The following DCUN1D4 variants were observed in gnomAD, a reference collection of about 807,000 sequenced individuals.
The protein encoded by DCUN1D4 is DCN1-like protein 4.
A neutral mutation model predicts 47.9 loss-of-function variants in DCUN1D4; 22 were observed. The observed-to-expected ratio is 0.46, with a 90% CI of 0.33 to 0.66. The LOEUF is 0.66. Among genes scored for constraint, DCUN1D4 ranks in the 30% least tolerant of loss-of-function variants. The pLI is 0.02. For missense variants in DCUN1D4, 301 were observed against 340.8 expected, an observed-to-expected ratio of 0.88 and a Z score of 0.92; for synonymous variants, 121 against 112.2, an observed-to-expected ratio of 1.08 and a Z score of -0.50.
intron 3 of DCUN1D4, among the ~76,000 whole-genome samples, chr4:51,864,335 C>G (rs1480010715): frequency 6.6e-6 from 1 of 152,182 alleles, no homozygotes; most frequent in Non-Finnish European, 1.5e-5. Flanking sequence ...CCACTTCTCT[C>G]AACTGTTAGT....
chr4:51,871,973 T>C (rs1165834755), intron 3 of DCUN1D4, among the ~76,000 whole-genome samples: 1 of 152,104 alleles, frequency 6.6e-6, no homozygotes, highest in Non-Finnish European at 1.5e-5. Flanking sequence ...AGGAGTGATA[T>C]GGGGGTGCTT....
intron 8 of DCUN1D4, among the ~76,000 whole-genome samples, chr4:51,901,058 C>T (rs749804594): frequency 2.0e-5 from 3 of 152,082 alleles, no homozygotes; most frequent in Non-Finnish European, 2.9e-5. Context: ...CCTTGCTTCT[C>T]CTTACCAGCC....
At chr4:51,883,675 T>G (rs1052696230) in intron 5 of DCUN1D4, among the ~76,000 whole-genome samples, 3 of 152,184 alleles carry the variant, frequency 2.0e-5, no homozygotes, top group Non-Finnish European at 4.4e-5. Flanking sequence ...GATTAAATTA[T>G]TTTACACTTG....
the DCUN1D4 span, among the ~76,000 whole-genome samples, chr4:51,837,281 A>G: frequency 6.6e-6 from 1 of 152,210 alleles, no homozygotes; most frequent in Non-Finnish European, 1.5e-5. Flanking sequence ...GTCCTGAGTA[A>G]AAAGGAAAAG....
chr4:51,909,214 A>G (rs1386893119), intron 8 of DCUN1D4, among the ~76,000 whole-genome samples: 1 of 152,160 alleles, frequency 6.6e-6, no homozygotes, highest in Non-Finnish European at 1.5e-5. Context: ...AAGGCACAAT[A>G]TATATCACAG....
At chr4:51,869,203 T>C (rs1487010288) in intron 3 of DCUN1D4, among the ~76,000 whole-genome samples, 1 of 148,302 alleles carries the variant, frequency 6.7e-6, no homozygotes, top group East Asian at 2.0e-4. Context: ...GGGATGATGA[T>C]GATAGATGTC....
rs34147893 is a variant in DCUN1D4 at position 51,883,723 on chromosome 4, A to C, written c.344-2845A>C. Among the ~76,000 whole-genome samples the C allele has an allele frequency of 7.8e-3, 1,187 of 152,336 alleles. 7 individuals are homozygous for C. Among genetic ancestry groups the C allele is most frequent in the Non-Finnish European group, 0.012 (795 of 68,032 alleles). ...GAATTGCCTGGGCAAACTTAGAAAC[A>C]CTAAATAAATATGTATATATTCCAT... On this transcript the variant is annotated intron_variant, in intron 5 of 10. Coordinates refer to ENST00000334635, the MANE Select transcript of DCUN1D4 (RefSeq NM_001040402.3).
intron 8 of DCUN1D4, among the ~76,000 whole-genome samples, chr4:51,901,492 C>G (rs1409325613): frequency 6.6e-6 from 1 of 152,202 alleles, no homozygotes; most frequent in East Asian, 1.9e-4. Flanking sequence ...TGCTCACTGG[C>G]CCTGCTTCCT....
At chr4:51,896,862 C>A (rs1239339793) in intron 7 of DCUN1D4, among the ~76,000 whole-genome samples, 6 of 152,140 alleles carry the variant, frequency 3.9e-5, no homozygotes, top group Admixed American at 3.9e-4. Flanking sequence ...CTCCATTGTT[C>A]CTAGGATGTA....
intron 7 of DCUN1D4, among the ~76,000 whole-genome samples, chr4:51,897,574 T>C (rs1731462310): frequency 6.6e-6 from 1 of 151,184 alleles, no homozygotes; most frequent in African/African-American, 2.5e-5. Flanking sequence ...AAAATTAGTT[T>C]GTAAAAATAA....
intron 8 of DCUN1D4, chr4:51,905,068 C>G (rs1732671540): frequency 2.8e-6 from 1 of 358,074 alleles, no homozygotes; most frequent in South Asian, 2.1e-5. Flanking sequence ...AAATTGCAGC[C>G]CCAAGGGGCT....
chr4:51,843,529 G>C (rs1721929258), intron 1 of DCUN1D4: 3 of 1,293,476 alleles, frequency 2.3e-6, no homozygotes, highest in African/African-American at 3.1e-5. Flanking sequence ...TTTCAGTGTT[G>C]GGGGAAGGGA....
chr4:51,887,871 A>C (rs1486718583), intron 6 of DCUN1D4, among the ~76,000 whole-genome samples: 1 of 133,168 alleles, frequency 7.5e-6, no homozygotes, highest in African/African-American at 2.8e-5. Flanking sequence ...TCTTTCACTT[A>C]TTACATAGAT....
In DCUN1D4 at chr4:51,904,791, AT is replaced by A. The variant is rs1312557414; in HGVS notation, c.615+5419del. ...TGGTTGGAAGAAGAACTCAAACCTC[AT>A]TTTTTCCCCCTCAAATCTGTTTTTT... On this transcript the variant is annotated intron_variant, in intron 8 of 10. Transcript: ENST00000334635. Among the ~76,000 whole-genome samples, 12 of 151,986 alleles carry A rather than the reference AT, an allele frequency of 7.9e-5. No homozygotes were observed. In the East Asian group the frequency reaches 1.9e-3, roughly 25 times the overall value.
At chr4:51,905,861 C>T (rs1008253568) in intron 8 of DCUN1D4, among the ~76,000 whole-genome samples, 4 of 152,014 alleles carry the variant, frequency 2.6e-5, no homozygotes, top group African/African-American at 7.2e-5. Flanking sequence ...TGCAGTCCTA[C>T]CTTGATGCAG....
rs545011325 is a variant in DCUN1D4 at position 51,915,874 on chromosome 4, A to G, written c.*2290A>G. 5 of 152,574 alleles carry G rather than the reference A, an allele frequency of 3.3e-5. No homozygotes were observed. Among genetic ancestry groups the G allele is most frequent in the Non-Finnish European group, 7.4e-5 (5 of 67,992 alleles). The allele number at this position is 152,574 out of a possible 1,614,324, so 9.5% of individuals were successfully genotyped here. On this transcript the variant is annotated 3_prime_UTR_variant, in exon 11 of 11. Transcript: ENST00000334635. Reference sequence around the variant, plus strand: ...AAGTATTCCAAAGGGATAATCTTGCATATTAAGAAAACTCCAAATAATCTT... The same window carrying G: ...AAGTATTCCAAAGGGATAATCTTGCGTATTAAGAAAACTCCAAATAATCTT...
intron 6 of DCUN1D4, chr4:51,887,092 G>T (rs2110044394): frequency 2.2e-6 from 1 of 448,390 alleles, no homozygotes; most frequent in South Asian, 1.6e-5. Flanking sequence ...ATTGAATTTA[G>T]CTCAGAAGTG....
chr4:51,893,744 G>T (rs994944434), intron 7 of DCUN1D4, among the ~76,000 whole-genome samples: 1 of 152,170 alleles, frequency 6.6e-6, no homozygotes, highest in Non-Finnish European at 1.5e-5. Context: ...TAGAGCAGCC[G>T]ATGGCTGCTT....
chr4:51,883,222 G>A (rs985557702), intron 5 of DCUN1D4, among the ~76,000 whole-genome samples: 4 of 152,198 alleles, frequency 2.6e-5, no homozygotes, highest in Non-Finnish European at 2.9e-5. Flanking sequence ...ACCCATGTGC[G>A]TAGGTGAACA....
Sources: gnomAD v4.1 joint callset for allele counts (sites outside exome capture counted in the v4.1 genomes callset) on GRCh38, gnomAD v4.1.1 for gene constraint, MANE v1.5 for transcripts, NCBI Gene and HGNC (gene_info 2026-07-23, HGNC 2026-07-21) for gene names.